PPP2R1B: variants seen among roughly 807,000 people sequenced by gnomAD.
The protein encoded by PPP2R1B is protein phosphatase 2 scaffold subunit Abeta.
A neutral mutation model predicts 72.7 loss-of-function variants in PPP2R1B; 58 were observed. That is an observed-to-expected ratio of 0.80 (90% confidence interval 0.65 to 0.99). The LOEUF (loss-of-function observed/expected upper bound fraction) is 0.99, where lower values mean the gene tolerates loss of function less well. PPP2R1B is among the 50% of genes least tolerant of loss of function. PPP2R1B has a pLI of 0.00. For missense variants in PPP2R1B, 695 were observed against 733.6 expected (o/e 0.95, Z 0.61); for synonymous variants, 256 against 264.6 (o/e 0.97, Z 0.32).
intron 11 of PPP2R1B, among the ~76,000 whole-genome samples, chr11:111,743,776 C>T (rs1297693843): frequency 6.6e-6 from 1 of 152,122 alleles, no homozygotes; most frequent in African/African-American, 2.4e-5. Flanking sequence ...AATACAAGTG[C>T]CTACTATGTG....
intron 11 of PPP2R1B, 101 bp downstream of exon 11, chr11:111,747,853 T>G (rs1944759570): frequency 8.8e-7 from 1 of 1,136,434 alleles, no homozygotes. Flanking sequence ...TCCTACAATA[T>G]TAAGGCAAAA....
chr11:111,693,192 C>T, the PPP2R1B span, among the ~76,000 whole-genome samples: 4 of 152,034 alleles, frequency 2.6e-5, no homozygotes, highest in Non-Finnish European at 4.4e-5. Flanking sequence ...ATTAGCTGGG[C>T]ATGGTGGTGC....
At chr11:111,728,923 CA>C (rs753877747) in intron 15 of PPP2R1B, 7,150 of 91,002 alleles carry the variant, frequency 0.079, 412 homozygotes, top group African/African-American at 0.23. Flanking sequence ...GACTCCACCT[CA>C]AAAAAAAAAA....
Position 111,741,037 on chromosome 11 carries a change from C to G in PPP2R1B, c.*559G>C, listed in dbSNP as rs953671211. On this transcript the variant is annotated 3_prime_UTR_variant, in exon 15 of 15. Coordinates refer to ENST00000527614, the MANE Select transcript of PPP2R1B (RefSeq NM_002716.5). The stretch of plus-strand genomic sequence containing the variant: ...AAACCAAAACAACCACTACATTAAC[C>G]CTGAGCTTCCACATTCCCCTTTCAC... 4.1e-6 allele frequency: 4 copies of G among 986,122 alleles called. No individual in the cohort carries two copies. The highest frequency in any genetic ancestry group is 4.7e-5 in the South Asian group (1 of 21,310). The allele number at this position is 986,122 out of a possible 1,614,324, so 61.1% of individuals were successfully genotyped here.
In PPP2R1B at chr11:111,752,214, T is replaced by C. The variant is rs114776338; in HGVS notation, c.1283A>G (p.Lys428Arg). 1.9e-5 allele frequency: 31 copies of C among 1,614,050 alleles called. No homozygotes were observed. The African/African-American group carries it at 3.5e-4, about 18-fold the overall frequency. The part of the protein sequence containing the change: ...PAIVELAEDA[K>R]WRVRLAIIEY... The stretch of plus-strand genomic sequence containing the variant: ...AATGATGGCCAGGCGGACCCTCCAT[T>C]TGGCATCTTCTGCCAGCTCCACTAT... Residue 428 changes from lysine to arginine, a missense_variant, in exon 10 of 15, where the codon AAA (lysine) becomes AGA (arginine). Lys to Arg is a conservative substitution (Grantham distance 26). Coordinates refer to ENST00000527614, the MANE Select transcript of PPP2R1B (RefSeq NM_002716.5).
At position 111,741,141 on chromosome 11, in the gene PPP2R1B, G is replaced by A. The variant is rs937303469; in HGVS notation, c.*455C>T. 1.0e-6 allele frequency: 1 copy of A among 989,252 alleles called. No individual in the cohort carries two copies. The highest frequency in any genetic ancestry group is 1.7e-5 in the African/African-American group (1 of 57,434). The allele number at this position is 989,252 out of a possible 1,614,324, so 61.3% of individuals were successfully genotyped here. A position where few individuals can be genotyped will look rare whatever the true frequency, so the allele number is the denominator to read the frequency against. On this transcript the variant is annotated 3_prime_UTR_variant, in exon 15 of 15. Coordinates refer to ENST00000527614, the MANE Select transcript of PPP2R1B (RefSeq NM_002716.5). ...CAAATCTCAACATGTCTCCCGAAGA[G>A]TTTATAAAATAAGTTATTCTAAACA...
the PPP2R1B span, among the ~76,000 whole-genome samples, chr11:111,714,320 A>G: frequency 6.6e-6 from 1 of 152,256 alleles, no homozygotes; most frequent in Non-Finnish European, 1.5e-5. Flanking sequence ...TCCCTAAGCG[A>G]GTGCTTTCAA....
At chr11:111,758,590 AAAAAG>A (rs566275838) in intron 5 of PPP2R1B, among the ~76,000 whole-genome samples, 40 of 152,282 alleles carry the variant, frequency 2.6e-4, no homozygotes, top group Non-Finnish European at 4.0e-4. Context: ...CTCCTTTTAA[AAAAAG>A]AAAAGAAAAG....
the PPP2R1B span, among the ~76,000 whole-genome samples, chr11:111,699,717 G>T: frequency 6.6e-6 from 1 of 152,182 alleles, no homozygotes; most frequent in Non-Finnish European, 1.5e-5. Flanking sequence ...TGTATGTATG[G>T]TCTCAAGGTA....
chr11:111,720,854 C>A, the PPP2R1B span: 2 of 1,600,888 alleles, frequency 1.2e-6, no homozygotes, highest in Non-Finnish European at 1.7e-6. Context: ...CACTGAAAGG[C>A]CTTGTATTTT....
At chr11:111,719,442 A>T in the PPP2R1B span, among the ~76,000 whole-genome samples, 7 of 148,698 alleles carry the variant, frequency 4.7e-5, no homozygotes, top group East Asian at 1.9e-4. Flanking sequence ...TCCCTTATTT[A>T]AAAAAAAATA....
chr11:111,715,345 TCC>T, the PPP2R1B span, among the ~76,000 whole-genome samples: 2 of 152,184 alleles, frequency 1.3e-5, no homozygotes, highest in African/African-American at 4.8e-5. Flanking sequence ...GAGACACAGT[TCC>T]CTTTTTATTG....
intron 10 of PPP2R1B, among the ~76,000 whole-genome samples, chr11:111,750,932 G>A (rs782297419): frequency 1.3e-5 from 2 of 151,832 alleles, no homozygotes; most frequent in African/African-American, 2.4e-5. Context: ...TTCGCCTCCT[G>A]GGTTCAAGCG....
At chr11:111,689,667 A>T in the PPP2R1B span, among the ~76,000 whole-genome samples, 9 of 152,350 alleles carry the variant, frequency 5.9e-5, no homozygotes, top group African/African-American at 2.2e-4. Flanking sequence ...TTGGATACTC[A>T]TTGAACTTAG....
intron 13 of PPP2R1B, 162 bp from the exon 14 acceptor site, chr11:111,742,306 AAAAT>A: frequency 1.4e-6 from 1 of 729,486 alleles, no homozygotes; most frequent in Non-Finnish European, 2.1e-6. Context: ...AATTCTCAGC[AAAAT>A]CAGCTTCAGA....
intron 3 of PPP2R1B, among the ~76,000 whole-genome samples, chr11:111,763,258 G>C (rs1945393353): frequency 6.6e-6 from 1 of 152,198 alleles, no homozygotes; most frequent in Non-Finnish European, 1.5e-5. Context: ...TCAAAAAACA[G>C]AAAGATGACC....
the PPP2R1B span, among the ~76,000 whole-genome samples, chr11:111,707,201 C>T: frequency 6.6e-6 from 1 of 152,186 alleles, no homozygotes; most frequent in Non-Finnish European, 1.5e-5. Flanking sequence ...CCCCCAGGGC[C>T]AGCAGGCTTT....
Position 111,732,426 on chromosome 11 carries a change from G to C in PPP2R1B, c.1911+5022C>G, listed in dbSNP as rs191935502. 7.3e-3 allele frequency among the ~76,000 whole-genome samples: 1,117 copies of C among 152,304 alleles called. 8 individuals carry two copies. Among genetic ancestry groups the C allele is most frequent in the Middle Eastern group, 0.054 (16 of 294 alleles). On this transcript the variant is annotated intron_variant, in intron 15 of 15. Transcript: ENST00000311129. The stretch of plus-strand genomic sequence containing the variant: ...AAGTTCTTGGCCAGGTGCTGTGGCT[G>C]ACACCTGTAATCCCAACACCTTGGG...
At chr11:111,737,469 C>T, downstream of PPP2R1B, 3 of 1,614,266 alleles carry the variant, frequency 1.9e-6, no homozygotes, top group Non-Finnish European at 2.5e-6. Flanking sequence ...CCTCTCCAGG[C>T]ACTGTGGGTC....
Sources: allele counts gnomAD v4.1 joint callset (sites outside exome capture counted in the v4.1 genomes callset), GRCh38; gene constraint gnomAD v4.1.1; transcripts MANE v1.5; gene names NCBI Gene and HGNC (gene_info 2026-07-23, HGNC 2026-07-21).